Variants in MYO3A observed in about 807,000 individuals in gnomAD.
MYO3A encodes myosin-IIIa.
A neutral mutation model predicts 192.7 loss-of-function variants in MYO3A; 180 were observed. The ratio of observed to expected loss-of-function variants is 0.93; its 90% CI spans 0.83 to 1.06. The LOEUF is 1.06. Ranked by LOEUF, MYO3A falls within the 50% of genes least tolerant of loss-of-function variation. MYO3A has a pLI of 0.00. For synonymous variants in MYO3A, 628 were observed against 645.3 expected (o/e 0.97, Z 0.41); for missense variants, 1,896 against 1,905.0 (o/e 1.00, Z 0.09).
chr10:25,958,591 A>G (rs2130622293), intron 4 of MYO3A, among the ~76,000 whole-genome samples: 2 of 152,256 alleles, frequency 1.3e-5, no homozygotes, highest in East Asian at 1.9e-4. Context: ...TTGGTTCCAC[A>G]TGAATTTTAA....
Position 26,024,229 on chromosome 10 carries a change from A to G in MYO3A, c.797+142A>G, listed in dbSNP as rs982711364. On this transcript the variant is annotated intron_variant, in intron 9 of 34. Transcript: ENST00000642920. ...AGGAAGCATCTATAGTGTCTTTTAA[A>G]TGTTGGGTGAATTTATCATTGCTCA... 22 of 784,502 alleles carry G rather than the reference A, an allele frequency of 2.8e-5. 1 individual carries two copies. Among genetic ancestry groups the G allele is most frequent in the Admixed American group, 9.4e-5 (4 of 42,564 alleles). The allele number at this position is 784,502 out of a possible 1,614,324, so 48.6% of individuals were successfully genotyped here.
intron 17 of MYO3A, among the ~76,000 whole-genome samples, chr10:26,103,573 A>G (rs980918468): frequency 1.3e-5 from 2 of 152,016 alleles, no homozygotes; most frequent in African/African-American, 4.8e-5. Flanking sequence ...ACTTCATGTT[A>G]TTTGCCCATT....
chr10:26,109,846 T>C (rs940512341), intron 17 of MYO3A, among the ~76,000 whole-genome samples: 1 of 152,196 alleles, frequency 6.6e-6, no homozygotes, highest in African/African-American at 2.4e-5. Flanking sequence ...TAATTGCTTG[T>C]AGGGAAACTG....
intron 31 of MYO3A, among the ~76,000 whole-genome samples, chr10:26,184,944 T>C (rs1234312781): frequency 1.3e-5 from 2 of 152,208 alleles, no homozygotes; most frequent in African/African-American, 4.8e-5. Flanking sequence ...ACAGATCCAT[T>C]AGAGGCCAAA....
At chr10:26,141,769 A>G (rs1262559783) in intron 20 of MYO3A, among the ~76,000 whole-genome samples, 1 of 152,160 alleles carries the variant, frequency 6.6e-6, no homozygotes, top group African/African-American at 2.4e-5. Flanking sequence ...CTTATACTGG[A>G]TAAGCTAAAT....
intron 17 of MYO3A, among the ~76,000 whole-genome samples, chr10:26,112,163 A>G (rs1425220037): frequency 6.6e-6 from 1 of 152,254 alleles, no homozygotes; most frequent in Non-Finnish European, 1.5e-5. Flanking sequence ...TTCAAACTGT[A>G]TATTCCAAAT....
chr10:25,996,610 T>C lies in MYO3A; in HGVS notation c.408+16T>C, dbSNP rs768391424. On this transcript the variant is annotated intron_variant, in intron 5 of 34. Transcript: ENST00000642920. ...AGCACTAATGGTAAGGCAATTTAAA[T>C]TGTATGTGCATTAATTATGAAGCAG... 4.4e-6 allele frequency: 7 copies of C among 1,585,280 alleles called. No homozygotes were observed. The highest frequency in any genetic ancestry group is 1.1e-5 in the South Asian group (1 of 90,398).
At chr10:26,024,188 C>G in intron 9 of MYO3A, 101 bp downstream of exon 9, 1 of 1,125,640 alleles carries the variant, frequency 8.9e-7, no homozygotes, top group South Asian at 1.3e-5. Context: ...CCAGAGATTT[C>G]TATTATTTTC....
At chr10:26,117,523 GTGT>G (rs1838586287) in intron 17 of MYO3A, among the ~76,000 whole-genome samples, 1 of 152,084 alleles carries the variant, frequency 6.6e-6, no homozygotes, top group Non-Finnish European at 1.5e-5. Flanking sequence ...GCCCCAGTGT[GTGT>G]TGTTCTCCTC....
intron 4 of MYO3A, among the ~76,000 whole-genome samples, chr10:25,965,958 TTTC>T (rs200597090): frequency 4.0e-5 from 6 of 148,458 alleles, no homozygotes; most frequent in Non-Finnish European, 7.4e-5. Context: ...TGTTTTTTTT[TTTC>T]TCTCTCTCTC....
chr10:26,069,001 A>G (rs951817463), intron 12 of MYO3A, 117 bp downstream of exon 12: 12 of 720,970 alleles, frequency 1.7e-5, no homozygotes, highest in African/African-American at 1.6e-4. Context: ...AAACAGTTAC[A>G]TAATTTTTGT....
At chr10:26,137,822 C>T (rs1339921711) in intron 20 of MYO3A, among the ~76,000 whole-genome samples, 2 of 152,144 alleles carry the variant, frequency 1.3e-5, no homozygotes, top group South Asian at 2.1e-4. Flanking sequence ...GCCCTGGTCT[C>T]CTGCAGTACC....
rs764773105 is a variant in MYO3A at position 26,139,247 on chromosome 10, A to T, written c.2263-4201A>T. On this transcript the variant is annotated intron_variant, in intron 20 of 34. Coordinates refer to ENST00000642920, the MANE Select transcript of MYO3A (RefSeq NM_017433.5). ...TCAAAAATAGATTAAAAATATATAT[A>T]TTTTTTGAGATGGAGTTTCATTCTT... Among the ~76,000 whole-genome samples, 85 of 152,040 alleles carry T rather than the reference A, an allele frequency of 5.6e-4. 2 individuals carry two copies. The highest frequency in any genetic ancestry group is 9.7e-5 in the African/African-American group (4 of 41,418).
At chr10:26,102,711 C>G (rs1564550982) in intron 17 of MYO3A, among the ~76,000 whole-genome samples, 2 of 152,200 alleles carry the variant, frequency 1.3e-5, no homozygotes, top group Admixed American at 6.5e-5. Context: ...GGCTGCAGAA[C>G]CGCAAATATT....
chr10:25,958,760 T>G (rs759179514), intron 4 of MYO3A, among the ~76,000 whole-genome samples: 1 of 152,178 alleles, frequency 6.6e-6, no homozygotes, highest in Non-Finnish European at 1.5e-5. Context: ...TCATATGATT[T>G]CTTTGAGCAA....
chr10:26,084,624 C>T (rs775066060), intron 14 of MYO3A, among the ~76,000 whole-genome samples: 10 of 152,200 alleles, frequency 6.6e-5, no homozygotes, highest in Non-Finnish European at 1.0e-4. Context: ...CTGCTTCAGC[C>T]TTCCAAGTAG....
chr10:26,158,805 C>T (rs1841307880), intron 26 of MYO3A, among the ~76,000 whole-genome samples: 1 of 151,958 alleles, frequency 6.6e-6, no homozygotes, highest in Non-Finnish European at 1.5e-5. Flanking sequence ...TTGAGGAAGT[C>T]CCATTTATAA....
intron 20 of MYO3A, among the ~76,000 whole-genome samples, chr10:26,139,289 T>C (rs566236180): frequency 2.0e-5 from 3 of 152,108 alleles, no homozygotes; most frequent in African/African-American, 7.2e-5. Flanking sequence ...CAGGCTGGAG[T>C]GCAATGAATG....
intron 14 of MYO3A, among the ~76,000 whole-genome samples, chr10:26,083,313 G>A (rs945615141): frequency 2.0e-5 from 3 of 152,264 alleles, no homozygotes; most frequent in East Asian, 1.9e-4. Context: ...ACAGAGTGGG[G>A]TGGCACAGAT....
Sources: gnomAD v4.1 joint callset for allele counts (sites outside exome capture counted in the v4.1 genomes callset) on GRCh38, gnomAD v4.1.1 for gene constraint, MANE v1.5 for transcripts, NCBI Gene and HGNC (gene_info 2026-07-23, HGNC 2026-07-21) for gene names.